SDK1: variants seen among roughly 807,000 people sequenced by gnomAD.
SDK1 encodes the protein protein sidekick-1.
A neutral mutation model predicts 245.5 loss-of-function variants in SDK1; 157 were observed. That is an observed-to-expected ratio of 0.64 (90% CI 0.56 to 0.73). SDK1 has a LOEUF of 0.73. SDK1 is among the 30% of genes least tolerant of loss of function. SDK1 has a pLI of 0.00. For synonymous variants in SDK1, 1,647 were observed against 1,278.5 expected (o/e 1.29, Z -6.15); for missense variants, 3,583 against 3,002.3 (o/e 1.19, Z -4.52).
At chr7:4,076,242 G>C (rs1429114276) in intron 20 of SDK1, among the ~76,000 whole-genome samples, 2 of 152,168 alleles carry the variant, frequency 1.3e-5, no homozygotes, top group Non-Finnish European at 2.9e-5. Flanking sequence ...ATTGATTTAA[G>C]GTACAAAAAA....
rs12701351 is a variant in SDK1, at chr7:4,030,363, A to C, written c.2602+13011A>C. Among the ~76,000 whole-genome samples the C allele has an allele frequency of 6.8e-3, 1,038 of 152,350 alleles. 7 individuals carry two copies. Among genetic ancestry groups the C allele is most frequent in the Non-Finnish European group, 9.1e-3 (618 of 68,032 alleles). On this transcript the variant is annotated intron_variant, in intron 17 of 44. Transcript: ENST00000404826. ...ACCAATGGGCAGAAGTTGCTCAAAG[A>C]AAGATTTCAGTTCAGCATAAGGGAA... is the stretch of plus-strand genomic sequence containing the variant.
At chr7:4,063,012 A>G (rs1355192781) in intron 19 of SDK1, among the ~76,000 whole-genome samples, 2 of 152,230 alleles carry the variant, frequency 1.3e-5, no homozygotes, top group African/African-American at 4.8e-5. Flanking sequence ...CTGAATGGGG[A>G]AAAGCTGAAA....
At chr7:3,564,981 A>G (rs889142405) in intron 1 of SDK1, among the ~76,000 whole-genome samples, 2 of 152,018 alleles carry the variant, frequency 1.3e-5, no homozygotes, top group African/African-American at 4.8e-5. Context: ...AGGAGATATA[A>G]TATAGGGGAT....
intron 5 of SDK1, among the ~76,000 whole-genome samples, chr7:3,872,371 G>C (rs1780978630): frequency 6.6e-6 from 1 of 152,040 alleles, no homozygotes; most frequent in Admixed American, 6.6e-5. Flanking sequence ...GAGTTGTTAT[G>C]TTCGGAAGAT....
chr7:3,698,354 C>A (rs952268148), intron 4 of SDK1, among the ~76,000 whole-genome samples: 1 of 152,154 alleles, frequency 6.6e-6, no homozygotes, highest in East Asian at 1.9e-4. Context: ...TTCCCTCTCA[C>A]GGTATTGGAG....
At chr7:3,546,594 C>A (rs950866940) in intron 1 of SDK1, among the ~76,000 whole-genome samples, 1 of 152,170 alleles carries the variant, frequency 6.6e-6, no homozygotes, top group African/African-American at 2.4e-5. Context: ...ATGCCAAGCA[C>A]CAAAATGAGT....
intron 38 of SDK1, 117 bp downstream of exon 38, chr7:4,210,279 G>A (rs1784446225): frequency 9.0e-7 from 1 of 1,114,634 alleles, no homozygotes; most frequent in Non-Finnish European, 1.2e-6. Context: ...TCTGGCGCCT[G>A]AAGTGGGGGG....
At chr7:3,703,338 A>G (rs550127338) in intron 4 of SDK1, among the ~76,000 whole-genome samples, 1 of 152,314 alleles carries the variant, frequency 6.6e-6, no homozygotes, top group South Asian at 2.1e-4. Context: ...TCTGAGGGGA[A>G]TTACACTGAA....
intron 35 of SDK1, among the ~76,000 whole-genome samples, chr7:4,189,141 T>C (rs1308394760): frequency 2.0e-5 from 3 of 152,184 alleles, no homozygotes; most frequent in African/African-American, 7.2e-5. Flanking sequence ...CTTCCTCCTT[T>C]TCGTCTATTC....
intron 4 of SDK1, among the ~76,000 whole-genome samples, chr7:3,758,238 A>C (rs1034422200): frequency 2.6e-5 from 4 of 152,204 alleles, no homozygotes; most frequent in Non-Finnish European, 5.9e-5. Flanking sequence ...TCAGCCACCC[A>C]TTTTAGCATT....
intron 4 of SDK1, among the ~76,000 whole-genome samples, chr7:3,776,110 C>T (rs73032374): frequency 2.6e-5 from 4 of 152,328 alleles, no homozygotes; most frequent in Admixed American, 6.5e-5. Context: ...ATGATAGCAA[C>T]TCATGTATGC....
chr7:3,503,786 G>T (rs866695876), intron 1 of SDK1, among the ~76,000 whole-genome samples: 1 of 152,056 alleles, frequency 6.6e-6, no homozygotes, highest in South Asian at 2.1e-4. Flanking sequence ...TTAAAATATT[G>T]TTAAATCGAA....
intron 5 of SDK1, among the ~76,000 whole-genome samples, chr7:3,877,896 C>G (rs543503569): frequency 6.8e-6 from 1 of 148,062 alleles, no homozygotes; most frequent in Non-Finnish European, 1.5e-5. Context: ...TTGCAGTGAA[C>G]TGCAGTGAAC....
intron 1 of SDK1, among the ~76,000 whole-genome samples, chr7:3,590,778 C>CT (rs34165148): frequency 0.015 from 1,737 of 115,186 alleles, 25 homozygotes; most frequent in African/African-American, 0.036. Context: ...GAGTATAGCA[C>CT]TTTTTTTTTT....
intron 17 of SDK1, among the ~76,000 whole-genome samples, chr7:4,035,021 C>T (rs1211397880): frequency 6.6e-6 from 1 of 152,188 alleles, no homozygotes; most frequent in East Asian, 1.9e-4. Context: ...CTCTGTTGCC[C>T]AGGCTGGAGT....
At chr7:3,619,708 A>T (rs1781875119) in intron 2 of SDK1, among the ~76,000 whole-genome samples, 1 of 152,212 alleles carries the variant, frequency 6.6e-6, no homozygotes, top group South Asian at 2.1e-4. Flanking sequence ...GAGAATGGGC[A>T]TGCATACAGC....
chr7:3,980,256 C>G (rs184200487), intron 13 of SDK1, among the ~76,000 whole-genome samples: 223 of 152,352 alleles, frequency 1.5e-3, no homozygotes, highest in Non-Finnish European at 2.4e-3. Flanking sequence ...GTTTTTCTCA[C>G]ACACACCTTG....
At chr7:4,206,298 G>T (rs1784221091) in intron 36 of SDK1, among the ~76,000 whole-genome samples, 1 of 152,228 alleles carries the variant, frequency 6.6e-6, no homozygotes, top group African/African-American at 2.4e-5. Context: ...CCTGGCTGGG[G>T]AACCCTTCCG....
chr7:3,953,002 G>T (rs913009558), intron 7 of SDK1, among the ~76,000 whole-genome samples: 1 of 152,028 alleles, frequency 6.6e-6, no homozygotes, highest in African/African-American at 2.4e-5. Flanking sequence ...AGTGGTAGCC[G>T]CTGTTGATAA....
Sources: allele counts gnomAD v4.1 joint callset (sites outside exome capture counted in the v4.1 genomes callset), GRCh38; gene constraint gnomAD v4.1.1; transcripts MANE v1.5; gene names NCBI Gene and HGNC (gene_info 2026-07-23, HGNC 2026-07-21).